The following KCNN3 variants were observed in gnomAD, a reference collection of about 807,000 sequenced individuals.
KCNN3 encodes potassium calcium-activated channel subfamily N member 3.
In KCNN3, 16 loss-of-function variants were observed where a neutral mutation model predicts 62.9. That is an observed-to-expected ratio of 0.25 (90% CI 0.17 to 0.39). The LOEUF is 0.39. Ranked by LOEUF, KCNN3 falls within the 10% of genes least tolerant of loss-of-function variation. The pLI is 1.00. For synonymous variants in KCNN3, 370 were observed against 389.2 expected (o/e 0.95, Z 0.58); for missense variants, 599 against 949.4 (o/e 0.63, Z 4.85).
chr1:154,863,565 T>C (rs566479022), intron 1 of KCNN3, among the ~76,000 whole-genome samples: 14 of 152,322 alleles, frequency 9.2e-5, no homozygotes, highest in Non-Finnish European at 1.8e-4. Flanking sequence ...GCAACAGAGC[T>C]GAAGCGCTCT....
intron 1 of KCNN3, among the ~76,000 whole-genome samples, chr1:154,830,731 T>A (rs1317613169): frequency 6.6e-6 from 1 of 152,216 alleles, no homozygotes; most frequent in Non-Finnish European, 1.5e-5. Flanking sequence ...CATTCAGGTC[T>A]GAGCAGAGGG....
intron 2 of KCNN3, among the ~76,000 whole-genome samples, chr1:154,812,980 G>A (rs1212459955): frequency 1.3e-5 from 2 of 152,192 alleles, no homozygotes; most frequent in African/African-American, 2.4e-5. Context: ...GTCAGGCAGT[G>A]CCCCTCAGAC....
At position 154,869,108 on chromosome 1, in the gene KCNN3, T is replaced by C. The variant is rs1264668634; in HGVS notation, c.857A>G (p.Tyr286Cys). Residue 286 changes from tyrosine (Y) to cysteine (C), a missense_variant, in exon 1 of 8, where the codon TAT becomes TGT. Tyr to Cys is a radical substitution (Grantham distance 194, BLOSUM62 -2). Transcript: ENST00000271915. This position sits in a 1 kb window ranked among gnomAD's most constrained non-coding sequence, Gnocchi z 6.1. ...LFEKRKRLSD[Y>C]ALIFGMFGIV... is the part of the protein sequence containing the mutation. ...TCCAAACATCCCAAAAATCAGAGCA[T>C]AGTCACTCAGTCGCTTTCTCTTTTC... 1.2e-6 allele frequency: 2 copies of C among 1,614,118 alleles called. No individual in the cohort carries two copies. The highest frequency in any genetic ancestry group is 2.2e-5 in the East Asian group (1 of 44,882).
chr1:154,803,686 T>C (rs1225499066), intron 2 of KCNN3, among the ~76,000 whole-genome samples: 1 of 152,222 alleles, frequency 6.6e-6, no homozygotes, highest in South Asian at 2.1e-4. Context: ...TGCCAGGGTG[T>C]GATGTGGCCC....
intron 1 of KCNN3, among the ~76,000 whole-genome samples, chr1:154,842,828 A>G (rs1364131444): frequency 6.6e-6 from 1 of 152,174 alleles, no homozygotes; most frequent in African/African-American, 2.4e-5. Flanking sequence ...CAGAGGCAGC[A>G]AAGCATCACG....
intron 1 of KCNN3, among the ~76,000 whole-genome samples, chr1:154,840,757 G>C (rs1651790147): frequency 6.6e-6 from 1 of 152,196 alleles, no homozygotes; most frequent in Non-Finnish European, 1.5e-5. Context: ...GGAGAAATGT[G>C]TCTTCCCTCA....
chr1:154,727,958 T>A (rs1458555680), intron 4 of KCNN3, among the ~76,000 whole-genome samples: 2 of 152,140 alleles, frequency 1.3e-5, no homozygotes, highest in Non-Finnish European at 2.9e-5. Flanking sequence ...ATGGAGAGGG[T>A]TCTCCCCAGG....
chr1:154,799,158 C>G (rs1649853186), intron 2 of KCNN3, among the ~76,000 whole-genome samples: 1 of 152,150 alleles, frequency 6.6e-6, no homozygotes, highest in Admixed American at 6.5e-5. Context: ...TTCAAGTGAT[C>G]TGCCTGCCTC....
Position 154,746,980 on chromosome 1 carries a change from C to T in KCNN3, c.1449-13836G>A, listed in dbSNP as rs1029595194. Among the ~76,000 whole-genome samples the T allele has an allele frequency of 3.9e-5, 6 of 152,274 alleles. No individual in the cohort carries two copies. In the East Asian group the frequency reaches 1.2e-3, roughly 29 times the overall value. ...GGCAGGTAAACTAAGCTCAACCGATCCCCAACTCTGCTCATTACCTGCCCT... is the reference window on the plus strand; with the variant it reads ...GGCAGGTAAACTAAGCTCAACCGATTCCCAACTCTGCTCATTACCTGCCCT... On this transcript the variant is annotated intron_variant, in intron 3 of 7. Transcript: ENST00000271915.
intron 7 of KCNN3, among the ~76,000 whole-genome samples, chr1:154,709,926 T>C (rs1700042176): frequency 6.6e-6 from 1 of 152,242 alleles, no homozygotes. Flanking sequence ...GACCGTGGGA[T>C]GGTCACTTTG....
intron 2 of KCNN3, among the ~76,000 whole-genome samples, chr1:154,773,995 T>G (rs537470618): frequency 2.0e-5 from 3 of 152,292 alleles, no homozygotes; most frequent in Admixed American, 6.5e-5. Flanking sequence ...TGCCTGATCC[T>G]AACACTACTG....
chr1:154,720,779 G>A (rs571481659), intron 5 of KCNN3, among the ~76,000 whole-genome samples: 5 of 152,294 alleles, frequency 3.3e-5, no homozygotes, highest in East Asian at 1.9e-4. Flanking sequence ...GGTAAGGGAC[G>A]CCGAAGTGAG....
In KCNN3 at chr1:154,698,188, G is replaced by T. The variant is rs141059386; in HGVS notation, c.*9788C>A. ...ATACTCCTTCTAAAGCACCTAATTT[G>T]CATTTTTATTATTATTATTATTTAC... On this transcript the variant is annotated 3_prime_UTR_variant, in exon 8 of 8. Coordinates refer to ENST00000271915, the MANE Select transcript of KCNN3 (RefSeq NM_002249.6). 15 of 152,212 alleles carry T rather than the reference G, an allele frequency of 9.9e-5. No individual in the cohort carries two copies. Among genetic ancestry groups the T allele is most frequent in the African/African-American group, 3.6e-4 (15 of 41,530 alleles). The allele number at this position is 152,212 out of a possible 1,614,324, so 9.4% of individuals were successfully genotyped here.
rs530526510 is a variant in KCNN3 at position 154,713,343 on chromosome 1, T to G, written c.1899+121A>C. The stretch of plus-strand genomic sequence containing the variant: ...TAGGTATTTTTGAACCAAGCAGAAA[T>G]TTTTCTTTGCTTGCCTGGTCCCGCG... On this transcript the variant is annotated intron_variant, in intron 7 of 7. Coordinates refer to ENST00000271915, the MANE Select transcript of KCNN3 (RefSeq NM_002249.6). 5.4e-5 allele frequency: 41 copies of G among 764,208 alleles called. No individual in the cohort carries two copies. In the African/African-American group the frequency reaches 6.8e-4, roughly 13 times the overall value. The allele number at this position is 764,208 out of a possible 1,614,324, so 47.3% of individuals were successfully genotyped here.
intron 1 of KCNN3, among the ~76,000 whole-genome samples, chr1:154,856,156 C>T (rs952785187): frequency 6.6e-6 from 1 of 152,228 alleles, no homozygotes; most frequent in Non-Finnish European, 1.5e-5. Flanking sequence ...CAGCTACTTA[C>T]ATTATAGTAA....
chr1:154,709,834 C>T (rs1021690106), intron 7 of KCNN3, among the ~76,000 whole-genome samples: 4 of 152,010 alleles, frequency 2.6e-5, no homozygotes, highest in Admixed American at 1.3e-4. Context: ...TTCATTTGAC[C>T]GCAGGGGCAC....
chr1:154,787,895 T>C (rs13375377), intron 2 of KCNN3, among the ~76,000 whole-genome samples: 3,657 of 152,262 alleles, frequency 0.024, 141 homozygotes, highest in African/African-American at 0.083. Context: ...TGCTGGTAGG[T>C]ACATCCCTAA....
At chr1:154,747,175 C>T (rs1700955615) in intron 3 of KCNN3, among the ~76,000 whole-genome samples, 1 of 152,192 alleles carries the variant, frequency 6.6e-6, no homozygotes, top group African/African-American at 2.4e-5. Flanking sequence ...GAGGTTGGCT[C>T]CTCTAGCTCT....
chr1:154,772,162 C>A lies in KCNN3; in HGVS notation c.1261G>T (p.Val421Phe), dbSNP rs1232399226. The change falls in exon 3 of 8, where the codon GTC becomes TTC. Residue 421 changes from valine (V) to phenylalanine (F), a missense_variant. Val to Phe is a conservative substitution (Grantham distance 50). This residue lies in a region of KCNN3 where 288 missense variants were observed against 557.4 expected (regional missense o/e 0.52). Transcript: ENST00000271915. This position sits in a 1 kb window ranked among gnomAD's most constrained non-coding sequence, Gnocchi z 5.6. ...AAGAGCTTGCTGTGCAGCAGCATGA[C>A]TCGGGCGATCAGGTACAGGCGCAGG... ...MFLRLYLIAR[V>F]MLLHSKLFTD... 1 of 1,614,116 alleles carries A rather than the reference C, an allele frequency of 6.2e-7. No individual in the cohort carries two copies. Among genetic ancestry groups the A allele is most frequent in the Admixed American group, 1.7e-5 (1 of 60,010 alleles).
Sources: allele counts gnomAD v4.1 joint callset (sites outside exome capture counted in the v4.1 genomes callset), GRCh38; gene constraint gnomAD v4.1.1; regional missense constraint gnomAD v4.1.1; non-coding constraint Gnocchi (gnomAD v3.1); transcripts MANE v1.5; gene names NCBI Gene and HGNC (gene_info 2026-07-23, HGNC 2026-07-21).